The following SGCD variants were observed in gnomAD, a reference collection of about 807,000 sequenced individuals.
SGCD encodes sarcoglycan delta, also known as delta-sarcoglycan.
A neutral mutation model predicts 36.6 loss-of-function variants in SGCD; 18 were observed. The observed-to-expected ratio is 0.49, with a 90% CI of 0.34 to 0.73. The LOEUF is 0.73. SGCD is among the 30% of genes least tolerant of loss of function. The pLI is 0.01. For synonymous variants in SGCD, 133 were observed against 130.6 expected, an observed-to-expected ratio of 1.02 and a Z score of -0.12; for missense variants, 387 against 346.7, an observed-to-expected ratio of 1.12 and a Z score of -0.92.
intron 3 of SGCD, among the ~76,000 whole-genome samples, chr5:156,419,173 T>G (rs1249873554): frequency 6.6e-6 from 1 of 152,192 alleles, no homozygotes; most frequent in East Asian, 1.9e-4. Flanking sequence ...CTTGAGTATT[T>G]GACCACATGG....
At position 155,970,160 on chromosome 5, in the gene SGCD, G is replaced by A. The variant is rs578101398; in HGVS notation, c.-282+99736G>A. Reference sequence around the variant, plus strand: ...GGGTGTGAGAGATCCCCTTTACTAAGGACAATAAGTAATTCACAAAAAGAG... The same window carrying A: ...GGGTGTGAGAGATCCCCTTTACTAAAGACAATAAGTAATTCACAAAAAGAG... On this transcript the variant is annotated intron_variant, in intron 1 of 9. Transcript: ENST00000517913. Among the ~76,000 whole-genome samples, 14 of 152,046 alleles carry A rather than the reference G, an allele frequency of 9.2e-5. No homozygotes were observed. The East Asian group carries it at 2.7e-3, about 30-fold the overall frequency.
intron 4 of SGCD, among the ~76,000 whole-genome samples, chr5:156,584,522 A>T (rs777391893): frequency 1.4e-4 from 21 of 152,210 alleles, no homozygotes; most frequent in Non-Finnish European, 2.8e-4. Flanking sequence ...GAAAGAGGGC[A>T]CATTCACTAC....
At chr5:155,875,328 G>T (rs1755741977) in intron 1 of SGCD, among the ~76,000 whole-genome samples, 1 of 152,042 alleles carries the variant, frequency 6.6e-6, no homozygotes, top group African/African-American at 2.4e-5. Flanking sequence ...AATTCCATAG[G>T]TAGAATTAAT....
chr5:156,185,217 T>C (rs762327574), intron 3 of SGCD, among the ~76,000 whole-genome samples: 1,652 of 141,074 alleles, frequency 0.012, 11 homozygotes, highest in Non-Finnish European at 0.018. Context: ...ATTTTCTTTT[T>C]TTTTTTTTTT....
intron 3 of SGCD, among the ~76,000 whole-genome samples, chr5:156,168,593 T>G (rs1763267607): frequency 6.6e-6 from 1 of 152,212 alleles, no homozygotes; most frequent in South Asian, 2.1e-4. Context: ...ACAATTGTTT[T>G]ATGTTTTAAT....
chr5:156,607,777 G>A (rs1454140753), intron 6 of SGCD, among the ~76,000 whole-genome samples: 1 of 152,014 alleles, frequency 6.6e-6, no homozygotes, highest in Non-Finnish European at 1.5e-5. Flanking sequence ...GTCTTGGGAG[G>A]GTGTATGTGT....
chr5:156,458,128 C>G (rs754050681), intron 3 of SGCD, among the ~76,000 whole-genome samples: 25 of 152,112 alleles, frequency 1.6e-4, no homozygotes, highest in Non-Finnish European at 2.6e-4. Flanking sequence ...CCACAGGTTC[C>G]CAGACCTGTG....
chr5:155,926,543 C>T (rs1222651182), intron 1 of SGCD, among the ~76,000 whole-genome samples: 1 of 152,058 alleles, frequency 6.6e-6, no homozygotes, highest in Non-Finnish European at 1.5e-5. Context: ...TTTTTCTAAA[C>T]AATTTAAATT....
At chr5:156,602,161 A>G (rs2113416726) in intron 6 of SGCD, among the ~76,000 whole-genome samples, 1 of 151,972 alleles carries the variant, frequency 6.6e-6, no homozygotes, top group African/African-American at 2.4e-5. Context: ...AGATCTTTTC[A>G]CCTCCTTGCT....
In SGCD at chr5:156,408,557, C is replaced by A. The variant is rs1228825891; in HGVS notation, c.192+63880C>A. 3.3e-5 allele frequency among the ~76,000 whole-genome samples: 5 copies of A among 152,238 alleles called. No homozygotes were observed. In the East Asian group the frequency reaches 9.7e-4, roughly 29 times the overall value. On this transcript the variant is annotated intron_variant, in intron 3 of 8. Transcript: ENST00000337851. Reference sequence around the variant, plus strand: ...TCTTTTTAGTAGAGACGGGATTTCACCAAGTTGGCCAGGCTGGTCTTGAGC... The same window carrying A: ...TCTTTTTAGTAGAGACGGGATTTCAACAAGTTGGCCAGGCTGGTCTTGAGC...
At chr5:155,755,124 C>A in the SGCD span, among the ~76,000 whole-genome samples, 1 of 152,274 alleles carries the variant, frequency 6.6e-6, no homozygotes, top group East Asian at 1.9e-4. Flanking sequence ...GAATATGGTG[C>A]ATTTTCTTTG....
intron 3 of SGCD, among the ~76,000 whole-genome samples, chr5:156,299,277 A>G (rs529561471): frequency 6.6e-6 from 1 of 152,144 alleles, no homozygotes; most frequent in South Asian, 2.1e-4. Context: ...TGGGGGTCCT[A>G]TGTGCTATTC....
At chr5:156,003,322 A>G (rs1758698683) in intron 1 of SGCD, among the ~76,000 whole-genome samples, 1 of 152,258 alleles carries the variant, frequency 6.6e-6, no homozygotes, top group African/African-American at 2.4e-5. Flanking sequence ...TGCCTGGCAC[A>G]AGATAAAAGC....
At chr5:156,644,221 C>G (rs1212699590) in intron 6 of SGCD, among the ~76,000 whole-genome samples, 1 of 152,106 alleles carries the variant, frequency 6.6e-6, no homozygotes, top group Non-Finnish European at 1.5e-5. Flanking sequence ...ATGCTATTTG[C>G]TGTCCTAGTA....
chr5:155,999,303 T>C (rs968851563), intron 1 of SGCD, among the ~76,000 whole-genome samples: 4 of 152,200 alleles, frequency 2.6e-5, no homozygotes, highest in African/African-American at 9.7e-5. Context: ...ATTTATATGT[T>C]TGTTTCCCCC....
intron 3 of SGCD, among the ~76,000 whole-genome samples, chr5:156,365,776 T>TATA (rs397943049): frequency 6.6e-6 from 1 of 152,082 alleles, no homozygotes; most frequent in Non-Finnish European, 1.5e-5. Flanking sequence ...TATGTCTATA[T>TATA]TTCCATGTGT....
At chr5:156,687,027 A>G (rs906480592) in intron 7 of SGCD, among the ~76,000 whole-genome samples, 1 of 152,220 alleles carries the variant, frequency 6.6e-6, no homozygotes, top group African/African-American at 2.4e-5. Context: ...CACCTGCTTC[A>G]GTAATCAGCA....
At chr5:155,991,194 C>T (rs958639632) in intron 1 of SGCD, among the ~76,000 whole-genome samples, 2 of 152,180 alleles carry the variant, frequency 1.3e-5, no homozygotes, top group Non-Finnish European at 2.9e-5. Flanking sequence ...AAATGTAAAG[C>T]ATTATTCTCT....
At chr5:156,549,754 G>A (rs1205925947) in intron 4 of SGCD, among the ~76,000 whole-genome samples, 1 of 152,204 alleles carries the variant, frequency 6.6e-6, no homozygotes, top group Non-Finnish European at 1.5e-5. Context: ...TAAACTCACA[G>A]AGTCAATAAG....
Sources: allele counts gnomAD v4.1 joint callset (sites outside exome capture counted in the v4.1 genomes callset), GRCh38; gene constraint gnomAD v4.1.1; transcripts MANE v1.5; gene names NCBI Gene and HGNC (gene_info 2026-07-23, HGNC 2026-07-21).